ASAH2: variants seen among roughly 807,000 people sequenced by gnomAD.
ASAH2 encodes neutral ceramidase.
Under a neutral mutation model 82.9 loss-of-function variants are expected in ASAH2, and 58 were observed. That is an observed-to-expected ratio of 0.70 (90% CI 0.57 to 0.87). ASAH2 has a LOEUF of 0.87. ASAH2 is among the 40% of genes least tolerant of loss of function. ASAH2 has a pLI of 0.00. For missense variants in ASAH2, 779 were observed against 834.0 expected, an observed-to-expected ratio of 0.93 and a Z score of 0.81; for synonymous variants, 276 against 289.7, an observed-to-expected ratio of 0.95 and a Z score of 0.48.
intron 3 of ASAH2, 116 bp from the exon 4 acceptor site, chr10:50,243,467 A>C: frequency 1.8e-6 from 2 of 1,141,058 alleles, no homozygotes; most frequent in Non-Finnish European, 2.4e-6. Flanking sequence ...TCCACATGAC[A>C]TGGTGGCTCT....
At chr10:50,218,349 C>T (rs1418355442) in intron 8 of ASAH2, among the ~76,000 whole-genome samples, 161 bp downstream of exon 8, 2 of 152,100 alleles carry the variant, frequency 1.3e-5, no homozygotes, top group South Asian at 4.2e-4. Flanking sequence ...TTTTTCTTTC[C>T]ACATTAGGGA....
chr10:50,247,097 C>T (rs1434398193), intron 2 of ASAH2, among the ~76,000 whole-genome samples: 1 of 152,032 alleles, frequency 6.6e-6, no homozygotes, highest in Non-Finnish European at 1.5e-5. Flanking sequence ...TAATAATAAC[C>T]TCCCTGAGTC....
chr10:50,211,340 G>A (rs981322534), intron 10 of ASAH2, among the ~76,000 whole-genome samples: 6 of 152,236 alleles, frequency 3.9e-5, no homozygotes, highest in South Asian at 2.1e-4. Context: ...AAGTCTCCGA[G>A]GCTGTTGACC....
intron 7 of ASAH2, among the ~76,000 whole-genome samples, chr10:50,225,284 C>T (rs1331670799): frequency 1.2e-4 from 18 of 152,026 alleles, no homozygotes; most frequent in East Asian, 9.6e-4. Flanking sequence ...GGAATGACAG[C>T]GCACAGCTGT....
At chr10:50,233,867 C>T (rs1846077849) in intron 6 of ASAH2, among the ~76,000 whole-genome samples, 1 of 152,080 alleles carries the variant, frequency 6.6e-6, no homozygotes, top group Non-Finnish European at 1.5e-5. Flanking sequence ...GCAAAATAAT[C>T]CTCTCCCTTA....
At position 50,204,925 on chromosome 10, in the gene ASAH2, T is replaced by C. The variant is rs1406888333; in HGVS notation, c.1561A>G (p.Ile521Val). The C allele has an allele frequency of 5.0e-6, 8 of 1,611,248 alleles. No individual in the cohort carries two copies. In the East Asian group the frequency reaches 8.9e-5, roughly 18 times the overall value. ...AGGGTAATAATCTGAACATCAACAA[T>C]GTCTGGATGCCAGGGGTGAGGTTTT... is the stretch of plus-strand genomic sequence containing the variant. ...LSKPHPWHPD[I>V]VDVQIITLGS... Residue 521 changes from isoleucine to valine, a missense_variant, in exon 14 of 21, where the codon ATT becomes GTT. Around this residue, in one of 3 missense-constraint regions of ASAH2, gnomAD observed 759 missense variants for 755.2 expected, o/e 1.00. Transcript: ENST00000682911.
intron 14 of ASAH2, 21 bp downstream of exon 14, chr10:50,204,840 G>A: frequency 2.0e-6 from 3 of 1,532,752 alleles, no homozygotes; most frequent in Non-Finnish European, 2.7e-6. Flanking sequence ...TTTTAACTAA[G>A]TAATAAAAAG....
At chr10:50,216,747 A>G (rs1320922497) in intron 8 of ASAH2, among the ~76,000 whole-genome samples, 1 of 152,188 alleles carries the variant, frequency 6.6e-6, no homozygotes, top group Non-Finnish European at 1.5e-5. Context: ...ATTCTACCTT[A>G]AATGGCTCTA....
chr10:50,249,094 T>C (rs1365768849), intron 1 of ASAH2, among the ~76,000 whole-genome samples: 1 of 152,210 alleles, frequency 6.6e-6, no homozygotes, highest in Non-Finnish European at 1.5e-5. Context: ...AGGACAGTAC[T>C]CTGTGGTCAT....
intron 12 of ASAH2, among the ~76,000 whole-genome samples, chr10:50,208,734 C>T (rs1845376417): frequency 1.3e-5 from 2 of 151,960 alleles, no homozygotes; most frequent in Admixed American, 1.3e-4. Flanking sequence ...GGCAATACTC[C>T]CCCAAATTAA....
intron 3 of ASAH2, among the ~76,000 whole-genome samples, chr10:50,244,599 T>C (rs1318483321): frequency 6.6e-6 from 1 of 152,220 alleles, no homozygotes; most frequent in Non-Finnish European, 1.5e-5. Flanking sequence ...TAGCCAAGAC[T>C]AGCAGTCAAT....
In ASAH2 at chr10:50,227,812, C is replaced by T. The variant is rs963680266; in HGVS notation, c.893+5372G>A. Among the ~76,000 whole-genome samples, 1,444 of 152,158 alleles carry T rather than the reference C, an allele frequency of 9.5e-3. 13 individuals carry two copies. The highest frequency in any genetic ancestry group is 0.014 in the Non-Finnish European group (965 of 68,010). On this transcript the variant is annotated intron_variant, in intron 7 of 20. Coordinates refer to ENST00000682911, the MANE Select transcript of ASAH2 (RefSeq NM_019893.4). ...ATCTTTGTTATCAGTCAACAGTCAC[C>T]ATCTTGGTCATCTAAAAGCCCTTTT...
intron 2 of ASAH2, among the ~76,000 whole-genome samples, chr10:50,247,322 TA>T (rs1238864681): frequency 5.6e-4 from 30 of 53,144 alleles, no homozygotes; most frequent in South Asian, 1.9e-3. Flanking sequence ...CACAAACAGC[TA>T]TTTTTTTTTT....
intron 12 of ASAH2, among the ~76,000 whole-genome samples, chr10:50,209,605 C>T (rs1017416450): frequency 6.3e-4 from 96 of 152,154 alleles, no homozygotes; most frequent in African/African-American, 2.0e-3. Context: ...CCTCAGCCTC[C>T]CAAAGTGCTG....
At chr10:50,228,584 A>G (rs1845948318) in intron 7 of ASAH2, among the ~76,000 whole-genome samples, 1 of 152,234 alleles carries the variant, frequency 6.6e-6, no homozygotes, top group East Asian at 1.9e-4. Context: ...TGAGTGTAAT[A>G]GCACAAATAG....
chr10:50,244,307 C>T (rs1397883224), intron 3 of ASAH2, among the ~76,000 whole-genome samples: 1 of 152,170 alleles, frequency 6.6e-6, no homozygotes, highest in African/African-American at 2.4e-5. Context: ...TAAACCAAAT[C>T]AGATCACATA....
chr10:50,222,303 G>A lies in ASAH2; in HGVS notation c.894-3673C>T, dbSNP rs1845770811. 2.0e-5 allele frequency among the ~76,000 whole-genome samples: 3 copies of A among 152,154 alleles called. 1 individual carries two copies. The South Asian group carries it at 6.2e-4, about 32-fold the overall frequency. ...CTTGATTTCTTCTTCTTTTGAAAAA[G>A]TGTCTCACTCTGTTGCCCAGGCTGG... On this transcript the variant is annotated intron_variant, in intron 7 of 20. Transcript: ENST00000682911.
At chr10:50,197,158 C>T (rs1260432215) in intron 17 of ASAH2, among the ~76,000 whole-genome samples, 1 of 150,994 alleles carries the variant, frequency 6.6e-6, no homozygotes, top group Non-Finnish European at 1.5e-5. Context: ...CTCTTTCATT[C>T]CCCTAGACAA....
chr10:50,218,260 A>T (rs2133212650), intron 8 of ASAH2, among the ~76,000 whole-genome samples: 1 of 152,342 alleles, frequency 6.6e-6, no homozygotes, highest in African/African-American at 2.4e-5. Flanking sequence ...GCCCTTCCTT[A>T]TTCAACTAAT....
Sources: allele counts gnomAD v4.1 joint callset (sites outside exome capture counted in the v4.1 genomes callset), GRCh38; gene constraint gnomAD v4.1.1; regional missense constraint gnomAD v4.1.1; transcripts MANE v1.5; gene names NCBI Gene and HGNC (gene_info 2026-07-23, HGNC 2026-07-21).